CYRIB: variants seen among roughly 807,000 people sequenced by gnomAD.
The protein encoded by CYRIB is CYFIP-related Rac1 interactor B.
Under a neutral mutation model 44.2 loss-of-function variants are expected in CYRIB, and 8 were observed. That is an observed-to-expected ratio of 0.18 (90% CI 0.11 to 0.33). The LOEUF (loss-of-function observed/expected upper bound fraction) is 0.33. Among genes scored for constraint, CYRIB ranks in the 10% least tolerant of loss-of-function variants. The probability of loss-of-function intolerance (pLI) is 1.00; values close to 1 mark genes in which losing one functional copy is unlikely to be tolerated. For synonymous variants in CYRIB, 131 were observed against 127.2 expected (o/e 1.03, Z -0.20); for missense variants, 185 against 382.8 (o/e 0.48, Z 4.31).
intron 1 of CYRIB, among the ~76,000 whole-genome samples, chr8:130,000,492 A>G (rs1301052897): frequency 2.0e-5 from 3 of 152,222 alleles, no homozygotes; most frequent in African/African-American, 7.2e-5. Context: ...CAGGAGTTCG[A>G]GACCAGCCTG....
At chr8:129,870,490 T>C (rs1046348308) in intron 4 of CYRIB, among the ~76,000 whole-genome samples, 2 of 152,226 alleles carry the variant, frequency 1.3e-5, no homozygotes, top group African/African-American at 4.8e-5. Context: ...AACACATGTT[T>C]TGAATCACCA....
At chr8:129,859,537 C>T (rs1264129284) in intron 5 of CYRIB, among the ~76,000 whole-genome samples, 3 of 152,042 alleles carry the variant, frequency 2.0e-5, no homozygotes, top group Non-Finnish European at 4.4e-5. Flanking sequence ...CTGAGGCTAC[C>T]GCTAGACCAC....
intron 4 of CYRIB, among the ~76,000 whole-genome samples, chr8:129,863,345 T>C (rs1212117624): frequency 6.6e-6 from 1 of 152,008 alleles, no homozygotes; most frequent in Non-Finnish European, 1.5e-5. Flanking sequence ...ACCAATGTGG[T>C]GAAACCCCGT....
intron 11 of CYRIB, among the ~76,000 whole-genome samples, chr8:129,846,262 C>T (rs2039932898): frequency 6.6e-6 from 1 of 152,036 alleles, no homozygotes; most frequent in Admixed American, 6.5e-5. Flanking sequence ...AATAACAGAA[C>T]ACAAGTCTGA....
intron 1 of CYRIB, among the ~76,000 whole-genome samples, chr8:129,973,665 C>T (rs1378361273): frequency 6.6e-6 from 1 of 152,136 alleles, no homozygotes; most frequent in Non-Finnish European, 1.5e-5. Context: ...GGGAGCTGTC[C>T]TCTATTTGTC....
chr8:130,003,012 T>C (rs1319084731), intron 1 of CYRIB, among the ~76,000 whole-genome samples: 1 of 152,214 alleles, frequency 6.6e-6, no homozygotes, highest in Admixed American at 6.5e-5. Flanking sequence ...CACTTGCCAA[T>C]CTATGTGAGT....
chr8:129,880,770 A>G (rs1413729540), intron 2 of CYRIB, among the ~76,000 whole-genome samples: 1 of 152,208 alleles, frequency 6.6e-6, no homozygotes, highest in Non-Finnish European at 1.5e-5. Context: ...TGAGGCATAT[A>G]TTTCTCAATT....
intron 3 of CYRIB, among the ~76,000 whole-genome samples, chr8:129,875,017 G>A (rs2058627571): frequency 6.6e-6 from 1 of 152,054 alleles, no homozygotes; most frequent in Admixed American, 6.5e-5. Flanking sequence ...TTTCCCTGGA[G>A]GTAAGTGAGT....
chr8:129,932,346 C>T (rs298620), intron 1 of CYRIB, among the ~76,000 whole-genome samples: 53,283 of 151,884 alleles, frequency 0.35, 11,314 homozygotes, highest in East Asian at 0.55. Context: ...CCTTCTGGAG[C>T]AAAGGACAAG....
chr8:130,015,115 G>C (rs533835122), intron 1 of CYRIB, among the ~76,000 whole-genome samples: 1 of 152,320 alleles, frequency 6.6e-6, no homozygotes, highest in African/African-American at 2.4e-5. Flanking sequence ...CCTCAGAGAG[G>C]GGAGGAGTCC....
chr8:130,009,269 C>CTT (rs113080038), intron 1 of CYRIB, among the ~76,000 whole-genome samples: 90 of 143,114 alleles, frequency 6.3e-4, no homozygotes, highest in African/African-American at 1.3e-3. Flanking sequence ...TCAAAAGCAT[C>CTT]TTTTTTTTTT....
At chr8:130,016,244 T>A (rs2097342576) in intron 1 of CYRIB, 126 bp downstream of exon 1, 1 of 146,146 alleles carries the variant, frequency 6.8e-6, no homozygotes, top group East Asian at 2.0e-4. Flanking sequence ...GGATGGTACC[T>A]CCGCCTCTCC....
rs541057135 is a variant in CYRIB, at chr8:129,990,082, C to G, written c.-295-19087G>C. Among the ~76,000 whole-genome samples the G allele has an allele frequency of 2.6e-5, 4 of 152,226 alleles. No homozygotes were observed. In the South Asian group the frequency reaches 8.3e-4, roughly 32 times the overall value. On this transcript the variant is annotated intron_variant, in intron 1 of 14. Transcript: ENST00000401979. ...AAGAGGGCCACCTCTCCAACTTGTC[C>G]TCAGTTTTAGAGCACTTCCCCATCT...
intron 3 of CYRIB, among the ~76,000 whole-genome samples, chr8:129,875,854 C>G (rs1223306796): frequency 1.3e-5 from 2 of 152,140 alleles, no homozygotes; most frequent in African/African-American, 4.8e-5. Flanking sequence ...TGGCCCACAC[C>G]TGTAATCCCA....
upstream of CYRIB, among the ~76,000 whole-genome samples, chr8:129,942,164 C>A (rs1348646030): frequency 6.6e-6 from 1 of 152,062 alleles, no homozygotes; most frequent in Non-Finnish European, 1.5e-5. Flanking sequence ...CATGGTAAAA[C>A]CCCATCTCTA....
chr8:130,016,233 CG>C (rs2097342144), intron 1 of CYRIB, 136 bp downstream of exon 1: 1 of 147,186 alleles, frequency 6.8e-6, no homozygotes. Context: ...CCCGGCGGCC[CG>C]GATGGTACCT....
rs144457681 is a variant in CYRIB at position 129,886,042 on chromosome 8, T to G, written c.-10-6571A>C. On this transcript the variant is annotated intron_variant, in intron 2 of 11. Coordinates refer to ENST00000519824, the Ensembl canonical transcript of CYRIB. Reference sequence around the variant, plus strand: ...AACCTTTCTTCTGGGGCACTACTTCTCCTGCCTGCTTTTGTCTCCTCAAGG... The same window carrying G: ...AACCTTTCTTCTGGGGCACTACTTCGCCTGCCTGCTTTTGTCTCCTCAAGG... 7.4e-3 allele frequency among the ~76,000 whole-genome samples: 1,131 copies of G among 152,312 alleles called. 8 individuals carry two copies. Among genetic ancestry groups the G allele is most frequent in the Non-Finnish European group, 0.012 (797 of 68,022 alleles).
intron 1 of CYRIB, among the ~76,000 whole-genome samples, chr8:129,974,914 T>C (rs1429817632): frequency 1.3e-5 from 2 of 150,306 alleles, no homozygotes; most frequent in Non-Finnish European, 3.0e-5. Context: ...AGACGGAATC[T>C]CGTTCTGTCA....
chr8:129,862,613 G>A (rs2050440621), intron 4 of CYRIB, among the ~76,000 whole-genome samples: 1 of 152,088 alleles, frequency 6.6e-6, no homozygotes, highest in South Asian at 2.1e-4. Flanking sequence ...TGGGACTACA[G>A]GCACGCGCCA....
Sources: gnomAD v4.1 joint callset for allele counts (sites outside exome capture counted in the v4.1 genomes callset) on GRCh38, gnomAD v4.1.1 for gene constraint, MANE v1.5 for transcripts, NCBI Gene and HGNC (gene_info 2026-07-23, HGNC 2026-07-21) for gene names.